MARCHF1: variants seen among roughly 807,000 people sequenced by gnomAD.
The protein encoded by MARCHF1 is E3 ubiquitin-protein ligase MARCHF1.
A neutral mutation model predicts 54.2 loss-of-function variants in MARCHF1; 40 were observed. The observed-to-expected ratio is 0.74, with a 90% CI of 0.57 to 0.96. MARCHF1 has a LOEUF of 0.96. Ranked by LOEUF, MARCHF1 falls within the 40% of genes least tolerant of loss-of-function variation. The probability of loss-of-function intolerance (pLI) is 0.00; values close to 1 mark genes in which losing one functional copy is unlikely to be tolerated. For missense variants in MARCHF1, 586 were observed against 656.5 expected (o/e 0.89, Z 1.17); for synonymous variants, 236 against 236.3 (o/e 1.00, Z 0.01).
intron 7 of MARCHF1, among the ~76,000 whole-genome samples, chr4:163,587,640 G>A (rs1157890359): frequency 6.6e-6 from 1 of 152,080 alleles, no homozygotes; most frequent in Non-Finnish European, 1.5e-5. Flanking sequence ...GGGAAGTAAA[G>A]TTTGAAAAAC....
At chr4:163,978,186 C>A (rs372668934) in intron 3 of MARCHF1, among the ~76,000 whole-genome samples, 1 of 152,124 alleles carries the variant, frequency 6.6e-6, no homozygotes, top group African/African-American at 2.4e-5. Context: ...AGAGGTCAGG[C>A]CATTGGCAAA....
At chr4:164,042,669 G>T (rs1754154057) in intron 2 of MARCHF1, among the ~76,000 whole-genome samples, 1 of 152,076 alleles carries the variant, frequency 6.6e-6, no homozygotes, top group African/African-American at 2.4e-5. Flanking sequence ...ACCCTTCTCA[G>T]CAGTCCCCCA....
intron 4 of MARCHF1, among the ~76,000 whole-genome samples, chr4:163,702,077 G>A (rs550162897): frequency 6.6e-6 from 1 of 152,162 alleles, no homozygotes; most frequent in Non-Finnish European, 1.5e-5. Flanking sequence ...TCATGTGCAG[G>A]CTTACAGATA....
rs147993249 is a variant in MARCHF1 at position 164,005,595 on chromosome 4, G to A, written c.-247-16886C>T. Among the ~76,000 whole-genome samples, 515 of 152,234 alleles carry A rather than the reference G, an allele frequency of 3.4e-3. 3 individuals carry two copies. The highest frequency in any genetic ancestry group is 0.012 in the African/African-American group (490 of 41,542). On this transcript the variant is annotated intron_variant, in intron 2 of 9. Coordinates refer to ENST00000514618, the MANE Select transcript of MARCHF1 (RefSeq NM_001394959.1). ...GTGGTCAACCAGCTTCTGTGCCATC[G>A]TGGGTGCCCTTACAGGAGACCTGTC...
rs559684906 is a variant in MARCHF1, at chr4:164,050,205, G to A, written c.-248+61383C>T. ...CAGGAGAATCGCTTGAACCCAGGAG[G>A]TGGAGGTTGCAGTGAGCCAAGATCA... On this transcript the variant is annotated intron_variant, in intron 2 of 9. Coordinates refer to ENST00000514618, the MANE Select transcript of MARCHF1 (RefSeq NM_001394959.1). Among the ~76,000 whole-genome samples, 344 of 148,592 alleles carry A rather than the reference G, an allele frequency of 2.3e-3. 1 individual carries two copies. The highest frequency in any genetic ancestry group is 4.1e-3 in the Non-Finnish European group (276 of 67,468).
At chr4:163,564,671 T>C (rs1739585703) in intron 8 of MARCHF1, among the ~76,000 whole-genome samples, 1 of 152,226 alleles carries the variant, frequency 6.6e-6, no homozygotes, top group African/African-American at 2.4e-5. Context: ...CCATGTAAGT[T>C]AAATGTAGCC....
intron 1 of MARCHF1, among the ~76,000 whole-genome samples, chr4:164,346,705 A>G (rs1255033949): frequency 7.7e-6 from 1 of 130,272 alleles, no homozygotes; most frequent in Non-Finnish European, 1.7e-5. Flanking sequence ...AGCATGAAAA[A>G]TGCTTATTCT....
intron 1 of MARCHF1, among the ~76,000 whole-genome samples, chr4:164,123,082 CTA>C (rs930986169): frequency 2.6e-5 from 4 of 152,092 alleles, no homozygotes; most frequent in African/African-American, 4.8e-5. Context: ...CACAAGAAAA[CTA>C]TTAGAACTCG....
At chr4:163,952,081 C>A (rs1752144099) in intron 3 of MARCHF1, among the ~76,000 whole-genome samples, 1 of 152,166 alleles carries the variant, frequency 6.6e-6, no homozygotes, top group African/African-American at 2.4e-5. Flanking sequence ...CCTTAAGACT[C>A]CATGAAAATC....
In MARCHF1 at chr4:163,842,641, G is replaced by A. The variant is rs951423607; in HGVS notation, c.111+11380C>T. On this transcript the variant is annotated intron_variant, in intron 4 of 9. Coordinates refer to ENST00000514618, the MANE Select transcript of MARCHF1 (RefSeq NM_001394959.1). ...TATAATGCTGTGGTGGGGATTAAATGAGTTGTTAACGTGTCAGGTGCTCAT... is the reference window on the plus strand; with the variant it reads ...TATAATGCTGTGGTGGGGATTAAATAAGTTGTTAACGTGTCAGGTGCTCAT... Among the ~76,000 whole-genome samples, 22 of 152,276 alleles carry A rather than the reference G, an allele frequency of 1.4e-4. No individual in the cohort carries two copies. The South Asian group carries it at 3.5e-3, about 24-fold the overall frequency.
intron 2 of MARCHF1, among the ~76,000 whole-genome samples, chr4:164,088,262 T>A (rs1188040786): frequency 6.6e-6 from 1 of 152,200 alleles, no homozygotes; most frequent in Admixed American, 6.5e-5. Flanking sequence ...TTGAGATAAA[T>A]TGGCGTTCAA....
At chr4:163,917,779 C>T (rs1751342166) in intron 3 of MARCHF1, among the ~76,000 whole-genome samples, 2 of 152,004 alleles carry the variant, frequency 1.3e-5, no homozygotes, top group African/African-American at 4.8e-5. Flanking sequence ...CTCTCTCTCA[C>T]CGCTTATAGA....
chr4:164,072,230 A>G (rs1438976150), intron 2 of MARCHF1, among the ~76,000 whole-genome samples: 1 of 152,222 alleles, frequency 6.6e-6, no homozygotes, highest in Non-Finnish European at 1.5e-5. Context: ...TATAAAAAAC[A>G]TTATAATTTC....
chr4:163,543,862 G>A (rs914406417), intron 9 of MARCHF1, among the ~76,000 whole-genome samples: 1 of 152,106 alleles, frequency 6.6e-6, no homozygotes, highest in Non-Finnish European at 1.5e-5. Flanking sequence ...TCCTTCTCAT[G>A]TAGCTGGAGG....
At chr4:164,332,424 G>T (rs1314950484) in intron 1 of MARCHF1, among the ~76,000 whole-genome samples, 1 of 152,180 alleles carries the variant, frequency 6.6e-6, no homozygotes, top group Non-Finnish European at 1.5e-5. Context: ...CTCAGGAAAT[G>T]GATCTCTGAG....
intron 1 of MARCHF1, among the ~76,000 whole-genome samples, chr4:164,356,991 G>T (rs988313048): frequency 1.3e-5 from 2 of 151,704 alleles, no homozygotes; most frequent in Admixed American, 1.3e-4. Flanking sequence ...GGCAGGAGGG[G>T]ATCAGGAAAG....
intron 1 of MARCHF1, among the ~76,000 whole-genome samples, chr4:164,348,975 G>T (rs1730198930): frequency 6.6e-6 from 1 of 152,086 alleles, no homozygotes; most frequent in African/African-American, 2.4e-5. Context: ...AGGATCTAAG[G>T]GTAAGCAATG....
At chr4:164,307,697 A>C (rs893306850) in intron 1 of MARCHF1, among the ~76,000 whole-genome samples, 6 of 152,244 alleles carry the variant, frequency 3.9e-5, no homozygotes, top group African/African-American at 1.4e-4. Flanking sequence ...GACTGGGCCA[A>C]ATGCTAAAGA....
intron 8 of MARCHF1, among the ~76,000 whole-genome samples, chr4:163,578,831 C>G (rs531203706): frequency 8.5e-5 from 13 of 152,224 alleles, no homozygotes; most frequent in African/African-American, 2.9e-4. Context: ...ATCTTGTTCA[C>G]TACTGCACAT....
Sources: allele counts gnomAD v4.1 joint callset (sites outside exome capture counted in the v4.1 genomes callset), GRCh38; gene constraint gnomAD v4.1.1; transcripts MANE v1.5; gene names NCBI Gene and HGNC (gene_info 2026-07-23, HGNC 2026-07-21).